The following ZNF362 variants were observed in gnomAD, a reference collection of about 807,000 sequenced individuals.
ZNF362 encodes the protein zinc finger protein 362.
A neutral mutation model predicts 42.9 loss-of-function variants in ZNF362; 11 were observed. That is an observed-to-expected ratio of 0.26 (90% confidence interval 0.16 to 0.42). The LOEUF (loss-of-function observed/expected upper bound fraction) is 0.42, where lower values mean the gene tolerates loss of function less well. Ranked by LOEUF, ZNF362 falls within the 20% of genes least tolerant of loss-of-function variation. ZNF362 has a pLI of 1.00. For synonymous variants in ZNF362, 255 were observed against 257.3 expected (o/e 0.99, Z 0.09); for missense variants, 362 against 576.2 (o/e 0.63, Z 3.81).
rs1355591843 is a variant in ZNF362 at position 33,266,366 on chromosome 1, T to C, written c.-88-4121T>C. Among the ~76,000 whole-genome samples, 1 of 152,186 alleles carries C rather than the reference T, an allele frequency of 6.6e-6. No individual in the cohort carries two copies. The highest frequency in any genetic ancestry group is 1.9e-4 in the East Asian group (1 of 5,204). On this transcript the variant is annotated intron_variant, in intron 1 of 8. Coordinates refer to ENST00000539719, the MANE Select transcript of ZNF362 (RefSeq NM_152493.3). This position sits in a 1 kb window ranked among gnomAD's most constrained non-coding sequence, Gnocchi z 4.3. Reference sequence around the variant, plus strand: ...GGCACTTGAGGCCCTACTGCATGGCTGGCGCTGGGCTCTGGGGCTGCAGCA... The same window carrying C: ...GGCACTTGAGGCCCTACTGCATGGCCGGCGCTGGGCTCTGGGGCTGCAGCA...
chr1:33,256,248 C>CT (rs1645788765), upstream of ZNF362, among the ~76,000 whole-genome samples: 1 of 142,098 alleles, frequency 7.0e-6, no homozygotes, highest in Non-Finnish European at 1.6e-5. Flanking sequence ...CAGCGCGCGG[C>CT]CCGCCCCCGC....
At chr1:33,251,307 A>C in the ZNF362 span, among the ~76,000 whole-genome samples, 1 of 151,962 alleles carries the variant, frequency 6.6e-6, no homozygotes. Context: ...CTGCTTTCTT[A>C]CTCCCCACAT....
the ZNF362 span, among the ~76,000 whole-genome samples, chr1:33,245,084 G>A: frequency 3.4e-3 from 515 of 152,230 alleles, 2 homozygotes; most frequent in Non-Finnish European, 5.8e-3. Context: ...GTGTCAGGTG[G>A]CTCATTTGTA....
chr1:33,209,432 C>G, the ZNF362 span, among the ~76,000 whole-genome samples: 1 of 152,148 alleles, frequency 6.6e-6, no homozygotes. Context: ...ATGATGCTGG[C>G]CTCATAAAAT....
the ZNF362 span, chr1:33,176,569 C>T: frequency 5.0e-6 from 3 of 595,486 alleles, no homozygotes; most frequent in South Asian, 5.6e-5. Flanking sequence ...GAGCCGGATG[C>T]CACGTCTGCT....
chr1:33,146,372 G>A, the ZNF362 span: 1 of 162,642 alleles, frequency 6.1e-6, no homozygotes, highest in Non-Finnish European at 1.4e-5. Context: ...GGTCACAGAG[G>A]CCTGGCTGAA....
chr1:33,252,264 A>G (rs1360424996), upstream of ZNF362, among the ~76,000 whole-genome samples: 1 of 152,216 alleles, frequency 6.6e-6, no homozygotes, highest in Non-Finnish European at 1.5e-5. Flanking sequence ...AGGCAGGAGA[A>G]TCACTTGAAC....
the ZNF362 span, among the ~76,000 whole-genome samples, chr1:33,178,679 T>G: frequency 6.6e-6 from 1 of 152,236 alleles, no homozygotes; most frequent in Non-Finnish European, 1.5e-5. Flanking sequence ...CATCAGCGTT[T>G]ACATGAAGTG....
chr1:33,150,937 C>T, the ZNF362 span, among the ~76,000 whole-genome samples: 1 of 152,228 alleles, frequency 6.6e-6, no homozygotes, highest in African/African-American at 2.4e-5. Context: ...GGAACCTAGG[C>T]ATGATATCTA....
chr1:33,238,363 T>TAA, the ZNF362 span, among the ~76,000 whole-genome samples: 14,053 of 68,828 alleles, frequency 0.2, 1,042 homozygotes, highest in Non-Finnish European at 0.24. Context: ...TAAAATAAAA[T>TAA]AATAAAATAA....
the ZNF362 span, among the ~76,000 whole-genome samples, chr1:33,175,001 G>GTATTTATATATATATGTA: frequency 7.4e-6 from 1 of 135,646 alleles, no homozygotes; most frequent in Non-Finnish European, 1.5e-5. Flanking sequence ...ACACACACAT[G>GTATTTATATATATATGTA]TATGTATATG....
Position 33,280,582 on chromosome 1 carries a change from CA to C in ZNF362, c.683+126del. 7.0e-7 allele frequency: 1 copy of C among 1,437,642 alleles called. No homozygotes were observed. Among genetic ancestry groups the C allele is most frequent in the East Asian group, 2.5e-5 (1 of 39,778 alleles). The allele number at this position is 1,437,642 out of a possible 1,614,324, so 89.1% of individuals were successfully genotyped here. On this transcript the variant is annotated intron_variant, in intron 5 of 8. Coordinates refer to ENST00000539719, the MANE Select transcript of ZNF362 (RefSeq NM_152493.3). This position sits in a 1 kb window ranked among gnomAD's most constrained non-coding sequence, Gnocchi z 5.6. ...AGGGCTGAGGGGCAGGGCTAGGGTC[CA>C]GAGGGGCGGGGCCTTCTGGAGAGCC...
Position 33,294,903 on chromosome 1 carries a change from A to G in ZNF362, c.909-34A>G. The G allele has an allele frequency of 6.2e-7, 1 of 1,613,116 alleles. No individual in the cohort carries two copies. The highest frequency in any genetic ancestry group is 8.5e-7 in the Non-Finnish European group (1 of 1,179,154). On this transcript the variant is annotated intron_variant, in intron 6 of 8. Coordinates refer to ENST00000539719, the MANE Select transcript of ZNF362 (RefSeq NM_152493.3). The surrounding 1 kb of genome is among the most constrained non-coding windows in gnomAD (Gnocchi z 4.2). Reference sequence around the variant, plus strand: ...CTGGAGCGGTCTTGGGGTGTGTGTCAGGGACTTCGACCTTACTGGGCTGCC... The same window carrying G: ...CTGGAGCGGTCTTGGGGTGTGTGTCGGGGACTTCGACCTTACTGGGCTGCC...
Position 33,294,203 on chromosome 1 carries a change from T to C in ZNF362, c.909-734T>C, listed in dbSNP as rs1475993915. Among the ~76,000 whole-genome samples the C allele has an allele frequency of 6.6e-6, 1 of 152,256 alleles. No individual in the cohort carries two copies. Among genetic ancestry groups the C allele is most frequent in the East Asian group, 1.9e-4 (1 of 5,204 alleles). ...TGTACCAACACTAGGCTAAGCCCTT[T>C]ACATGCATTATCTGATGTTATCTTC... On this transcript the variant is annotated intron_variant, in intron 6 of 8. Transcript: ENST00000539719. This position sits in a 1 kb window ranked among gnomAD's most constrained non-coding sequence, Gnocchi z 4.2.
intron 1 of ZNF362, among the ~76,000 whole-genome samples, chr1:33,264,052 C>A (rs1431435402): frequency 1.3e-5 from 2 of 152,214 alleles, no homozygotes; most frequent in Admixed American, 1.3e-4. Flanking sequence ...GGCTGGAGGC[C>A]TGTTTGGCCT....
chr1:33,242,669 T>C, the ZNF362 span, among the ~76,000 whole-genome samples: 1 of 152,124 alleles, frequency 6.6e-6, no homozygotes, highest in Non-Finnish European at 1.5e-5. Context: ...TAGGAAGCGA[T>C]GGAGGTGGGT....
At position 33,266,691 on chromosome 1, in the gene ZNF362, G is replaced by A. The variant is rs1645867384; in HGVS notation, c.-88-3796G>A. Among the ~76,000 whole-genome samples the A allele has an allele frequency of 6.6e-6, 1 of 152,196 alleles. No homozygotes were observed. Among genetic ancestry groups the A allele is most frequent in the South Asian group, 2.1e-4 (1 of 4,830 alleles). ...AGATAACCAGACAGTTCCTCAAGGTGGTGCCAGCTGAGCAGAGTTTTGAGG... is the reference window on the plus strand; with the variant it reads ...AGATAACCAGACAGTTCCTCAAGGTAGTGCCAGCTGAGCAGAGTTTTGAGG... On this transcript the variant is annotated intron_variant, in intron 1 of 8. Transcript: ENST00000539719. This position sits in a 1 kb window ranked among gnomAD's most constrained non-coding sequence, Gnocchi z 4.3.
At chr1:33,135,717 C>T in the ZNF362 span, among the ~76,000 whole-genome samples, 1 of 152,204 alleles carries the variant, frequency 6.6e-6, no homozygotes, top group African/African-American at 2.4e-5. Flanking sequence ...CCAGGAGGAA[C>T]CTCTTCTCTT....
chr1:33,266,840 C>T lies in ZNF362; in HGVS notation c.-88-3647C>T, dbSNP rs1368723831. Among the ~76,000 whole-genome samples, 1 of 152,152 alleles carries T rather than the reference C, an allele frequency of 6.6e-6. No individual in the cohort carries two copies. The highest frequency in any genetic ancestry group is 1.9e-4 in the East Asian group (1 of 5,192). On this transcript the variant is annotated intron_variant, in intron 1 of 8. Coordinates refer to ENST00000539719, the MANE Select transcript of ZNF362 (RefSeq NM_152493.3). This position sits in a 1 kb window ranked among gnomAD's most constrained non-coding sequence, Gnocchi z 4.3. ...TGGAGGGATGCTGCCAAGGAGCACACCTGGTGAGATGAGTGTGGCCAGGGG... is the reference window on the plus strand; with the variant it reads ...TGGAGGGATGCTGCCAAGGAGCACATCTGGTGAGATGAGTGTGGCCAGGGG...
Sources: allele counts gnomAD v4.1 joint callset (sites outside exome capture counted in the v4.1 genomes callset), GRCh38; gene constraint gnomAD v4.1.1; non-coding constraint Gnocchi (gnomAD v3.1); transcripts MANE v1.5; gene names NCBI Gene and HGNC (gene_info 2026-07-23, HGNC 2026-07-21).